Variants in SEMA3C observed in about 807,000 individuals in gnomAD.
SEMA3C encodes the protein semaphorin-3C.
In SEMA3C, 47 loss-of-function variants were observed where a neutral mutation model predicts 89.4. The observed-to-expected ratio is 0.53, with a 90% confidence interval of 0.42 to 0.67. SEMA3C has a LOEUF of 0.67. Among genes scored for constraint, SEMA3C ranks in the 30% least tolerant of loss-of-function variants. The probability of loss-of-function intolerance (pLI) is 0.00; values close to 1 mark genes in which losing one functional copy is unlikely to be tolerated. For missense variants in SEMA3C, 839 were observed against 929.1 expected, an observed-to-expected ratio of 0.90 and a Z score of 1.26; for synonymous variants, 310 against 320.2, an observed-to-expected ratio of 0.97 and a Z score of 0.34.
intron 11 of SEMA3C, among the ~76,000 whole-genome samples, chr7:80,793,850 G>A (rs1335570561): frequency 1.3e-5 from 2 of 151,620 alleles, no homozygotes; most frequent in Non-Finnish European, 2.9e-5. Context: ...TAGCACGGTC[G>A]AGGGGATCTT....
chr7:80,762,094 A>T (rs1235556936), intron 13 of SEMA3C, among the ~76,000 whole-genome samples: 1 of 143,956 alleles, frequency 6.9e-6, no homozygotes, highest in Non-Finnish European at 1.5e-5. Context: ...CGTCTCAATA[A>T]AAAAAAAAAA....
intron 2 of SEMA3C, among the ~76,000 whole-genome samples, chr7:80,841,823 G>A (rs995600471): frequency 3.3e-5 from 5 of 152,112 alleles, no homozygotes; most frequent in Non-Finnish European, 7.4e-5. Flanking sequence ...ACAAAGAGAT[G>A]GGGAGATGTT....
At chr7:80,832,575 G>A (rs543075771) in intron 2 of SEMA3C, among the ~76,000 whole-genome samples, 14 of 152,022 alleles carry the variant, frequency 9.2e-5, no homozygotes, top group African/African-American at 2.2e-4. Context: ...CCTTCTGCAC[G>A]GCTACTGAAA....
At chr7:80,758,618 A>G in intron 14 of SEMA3C, 130 bp from the exon 15 acceptor site, 1 of 920,332 alleles carries the variant, frequency 1.1e-6, no homozygotes. Flanking sequence ...CATGAAGCAA[A>G]GCACAGAAGG....
chr7:80,849,722 T>C (rs187614972), intron 2 of SEMA3C, among the ~76,000 whole-genome samples: 1 of 152,202 alleles, frequency 6.6e-6, no homozygotes, highest in East Asian at 1.9e-4. Flanking sequence ...TAGGAGACAA[T>C]CTTTGTGGTC....
chr7:80,805,571 T>A, intron 7 of SEMA3C, 68 bp downstream of exon 7: 4 of 1,365,298 alleles, frequency 2.9e-6, no homozygotes, highest in Non-Finnish European at 4.0e-6. Context: ...TCCCTAGTTG[T>A]TAGGATAGAA....
intron 14 of SEMA3C, among the ~76,000 whole-genome samples, chr7:80,759,631 A>G (rs2117049741): frequency 6.6e-6 from 1 of 152,350 alleles, no homozygotes; most frequent in African/African-American, 2.4e-5. Context: ...AATGTTAATT[A>G]ATGGTAAAAA....
intron 2 of SEMA3C, among the ~76,000 whole-genome samples, chr7:80,872,470 G>T (rs956520344): frequency 2.0e-5 from 3 of 152,068 alleles, no homozygotes; most frequent in Non-Finnish European, 4.4e-5. Flanking sequence ...GTTATATTTA[G>T]AAGGATTACA....
At chr7:80,836,116 G>A (rs575667458) in intron 2 of SEMA3C, among the ~76,000 whole-genome samples, 1 of 152,224 alleles carries the variant, frequency 6.6e-6, no homozygotes, top group East Asian at 1.9e-4. Flanking sequence ...AGTCGGGGAC[G>A]AGTAGATACC....
At chr7:80,848,419 T>A (rs1258467656) in intron 2 of SEMA3C, among the ~76,000 whole-genome samples, 4 of 152,048 alleles carry the variant, frequency 2.6e-5, no homozygotes, top group Non-Finnish European at 5.9e-5. Context: ...GTAAATAAAA[T>A]CTGGCAATGG....
At chr7:80,873,860 C>G (rs1791132505) in intron 2 of SEMA3C, among the ~76,000 whole-genome samples, 1 of 152,120 alleles carries the variant, frequency 6.6e-6, no homozygotes, top group Non-Finnish European at 1.5e-5. Flanking sequence ...GGTAGAAGCT[C>G]TAGTTAGGAT....
At chr7:80,912,490 T>C (rs1459917153) in intron 2 of SEMA3C, among the ~76,000 whole-genome samples, 1 of 152,194 alleles carries the variant, frequency 6.6e-6, no homozygotes, top group Non-Finnish European at 1.5e-5. Flanking sequence ...ATGTTTCAGG[T>C]AATGTCCAAC....
intron 14 of SEMA3C, among the ~76,000 whole-genome samples, chr7:80,761,415 T>C (rs1788179741): frequency 3.3e-5 from 5 of 152,220 alleles, no homozygotes; most frequent in Admixed American, 2.0e-4. Flanking sequence ...CAAACTTTTA[T>C]ACAAAAATAA....
At chr7:80,828,445 A>G (rs2115815346) in intron 3 of SEMA3C, 140 bp downstream of exon 3, 1 of 639,398 alleles carries the variant, frequency 1.6e-6, no homozygotes, top group East Asian at 2.9e-5. Context: ...CCATGAAATA[A>G]GTACTAACTT....
At chr7:80,818,057 TACACACACAC>T (rs58398775) in intron 5 of SEMA3C, among the ~76,000 whole-genome samples, 8 of 149,332 alleles carry the variant, frequency 5.4e-5, no homozygotes, top group African/African-American at 2.0e-4. Flanking sequence ...ACTAAAAGTA[TACACACACAC>T]ACACACACAC....
At chr7:80,899,352 T>G (rs1031211004) in intron 2 of SEMA3C, among the ~76,000 whole-genome samples, 68 of 152,224 alleles carry the variant, frequency 4.5e-4, no homozygotes, top group African/African-American at 1.5e-3. Flanking sequence ...CAACTTATTT[T>G]TTCGTAACAA....
intron 12 of SEMA3C, among the ~76,000 whole-genome samples, chr7:80,786,161 T>G (rs1583875994): frequency 6.6e-6 from 1 of 152,280 alleles, no homozygotes; most frequent in East Asian, 1.9e-4. Flanking sequence ...TAAAAACATA[T>G]GCCTAAATAT....
rs1410392275 is a variant in SEMA3C at position 80,859,917 on chromosome 7, AT to A, written c.104-31173del. Reference sequence around the variant, plus strand: ...TCCCTTTGTAAGTCTGCTAGACACTATTTTTTTTTTTAAAATAATCGGGTTT... The same window carrying A: ...TCCCTTTGTAAGTCTGCTAGACACTATTTTTTTTTTAAAATAATCGGGTTT... On this transcript the variant is annotated intron_variant, in intron 2 of 17. Coordinates refer to ENST00000265361, the MANE Select transcript of SEMA3C (RefSeq NM_006379.5). Among the ~76,000 whole-genome samples the A allele has an allele frequency of 3.7e-3, 541 of 147,592 alleles. 5 individuals carry two copies. The highest frequency in any genetic ancestry group is 0.011 in the African/African-American group (434 of 40,532).
chr7:80,893,224 C>T (rs903796661), intron 2 of SEMA3C, among the ~76,000 whole-genome samples: 3 of 152,148 alleles, frequency 2.0e-5, no homozygotes, highest in South Asian at 2.1e-4. Context: ...CAACTTGTCT[C>T]ATCGTTTGGA....
Sources: gnomAD v4.1 joint callset for allele counts (sites outside exome capture counted in the v4.1 genomes callset) on GRCh38, gnomAD v4.1.1 for gene constraint, MANE v1.5 for transcripts, NCBI Gene and HGNC (gene_info 2026-07-23, HGNC 2026-07-21) for gene names.